U2SURP: variants seen among roughly 807,000 people sequenced by gnomAD.
U2SURP encodes U2 snRNP associated SURP domain containing.
Under a neutral mutation model 144.9 loss-of-function variants are expected in U2SURP, and 9 were observed. That is an observed-to-expected ratio of 0.06 (90% CI 0.04 to 0.11). The LOEUF (loss-of-function observed/expected upper bound fraction) is 0.11. Among genes scored for constraint, U2SURP ranks in the 10% least tolerant of loss-of-function variants. The pLI is 1.00. For synonymous variants in U2SURP, 408 were observed against 396.8 expected (o/e 1.03, Z -0.33); for missense variants, 724 against 1,226.7 (o/e 0.59, Z 6.12).
intron 23 of U2SURP, among the ~76,000 whole-genome samples, chr3:143,041,379 C>T (rs891874730): frequency 6.6e-6 from 1 of 151,522 alleles, no homozygotes; most frequent in Non-Finnish European, 1.5e-5. Flanking sequence ...ACTTTTTTTC[C>T]AAGAAGAATA....
At chr3:143,034,354 A>C (rs1414682638) in intron 18 of U2SURP, among the ~76,000 whole-genome samples, 1 of 152,098 alleles carries the variant, frequency 6.6e-6, no homozygotes, top group Non-Finnish European at 1.5e-5. Flanking sequence ...CAGTGAGCCG[A>C]GATGGCACCA....
intron 26 of U2SURP, 141 bp from the exon 27 acceptor site, chr3:143,054,802 C>CT (rs1395321825): frequency 3.6e-6 from 3 of 825,122 alleles, no homozygotes; most frequent in East Asian, 6.2e-5. Context: ...TTACAAAGGA[C>CT]TTTGAGTATT....
intron 23 of U2SURP, among the ~76,000 whole-genome samples, chr3:143,041,832 C>T (rs908825335): frequency 2.0e-5 from 3 of 151,882 alleles, no homozygotes; most frequent in South Asian, 2.1e-4. Context: ...GGCAAAACAG[C>T]GTTTGTTCTG....
chr3:143,044,878 A>T (rs1934339769), intron 24 of U2SURP, among the ~76,000 whole-genome samples: 1 of 152,202 alleles, frequency 6.6e-6, no homozygotes, highest in African/African-American at 2.4e-5. Flanking sequence ...TTTTAACCTT[A>T]TGTAGAGTCA....
At chr3:143,021,611 C>T (rs967351943) in intron 10 of U2SURP, 56 bp downstream of exon 10, 2 of 1,493,096 alleles carry the variant, frequency 1.3e-6, no homozygotes, top group East Asian at 2.3e-5. Context: ...TGGAAGAAAG[C>T]TTTGTTAGTC....
rs190375069 is a variant in U2SURP, at chr3:143,018,891, C to T, written c.571-1078C>T. On this transcript the variant is annotated intron_variant, in intron 6 of 27. Transcript: ENST00000473835. Reference sequence around the variant, plus strand: ...GGTGAGCCAAGATCACAGCATTGCACTCCAGCCTGGGCAACAAGAGCGAAA... The same window carrying T: ...GGTGAGCCAAGATCACAGCATTGCATTCCAGCCTGGGCAACAAGAGCGAAA... 9.7e-3 allele frequency among the ~76,000 whole-genome samples: 1,471 copies of T among 152,260 alleles called. 12 individuals carry two copies. The highest frequency in any genetic ancestry group is 0.015 in the Non-Finnish European group (1,049 of 68,014).
At chr3:143,018,478 T>C (rs1426335606) in intron 6 of U2SURP, among the ~76,000 whole-genome samples, 1 of 152,236 alleles carries the variant, frequency 6.6e-6, no homozygotes, top group Non-Finnish European at 1.5e-5. Flanking sequence ...GTTTCCACTT[T>C]TCTGCTGTTA....
In U2SURP at chr3:143,055,067, T is replaced by A; in HGVS notation, c.2899T>A (p.Ser967Thr). The change falls in exon 27 of 28, where the codon TCC becomes ACC. Residue 967 changes from serine to threonine, a missense_variant. Ser to Thr is a moderately conservative substitution (Grantham distance 58). Transcript: ENST00000473835. Reference sequence around the variant, plus strand: ...AAGATCTCATAAAGAGAGCTCACGGTCCAGGTCATCTCACAAAGATTCTCC... The same window carrying A: ...AAGATCTCATAAAGAGAGCTCACGGACCAGGTCATCTCACAAAGATTCTCC... Reference protein sequence around the residue: ...SERSHKESSRSRSSHKDSPRD... With the variant: ...SERSHKESSRTRSSHKDSPRD... 6.2e-7 allele frequency: 1 copy of A among 1,607,370 alleles called. No individual in the cohort carries two copies. Among genetic ancestry groups the A allele is most frequent in the Non-Finnish European group, 8.5e-7 (1 of 1,177,246 alleles).
chr3:143,004,524 G>A (rs894199870), intron 1 of U2SURP, among the ~76,000 whole-genome samples: 1 of 125,060 alleles, frequency 8.0e-6, no homozygotes, highest in African/African-American at 3.1e-5. Flanking sequence ...GCCAATTTTT[G>A]TATTTTTAGT....
At chr3:143,021,092 G>GAGGCAGAAGGATTGC (rs1936604748) in intron 8 of U2SURP, among the ~76,000 whole-genome samples, 1 of 152,316 alleles carries the variant, frequency 6.6e-6, no homozygotes, top group Non-Finnish European at 1.5e-5. Flanking sequence ...TCAGGAGGCT[G>GAGGCAGAAGGATTGC]AGGCAGAAGG....
At chr3:143,048,425 G>C (rs1217819654) in intron 24 of U2SURP, among the ~76,000 whole-genome samples, 1 of 152,170 alleles carries the variant, frequency 6.6e-6, no homozygotes, top group Non-Finnish European at 1.5e-5. Context: ...GAGTCATCTT[G>C]GTCACGAGAG....
intron 4 of U2SURP, among the ~76,000 whole-genome samples, chr3:143,014,662 G>A (rs997073821): frequency 6.6e-6 from 1 of 152,022 alleles, no homozygotes; most frequent in African/African-American, 2.4e-5. Context: ...TAAGTAAAGT[G>A]TATGTGTGTG....
At chr3:143,010,670 A>G in intron 1 of U2SURP, 145 bp from the exon 2 acceptor site, 1 of 488,216 alleles carries the variant, frequency 2.0e-6, no homozygotes. Flanking sequence ...TCTTTTCATA[A>G]GTCAGAGACT....
intron 6 of U2SURP, among the ~76,000 whole-genome samples, chr3:143,018,139 AT>A (rs1246623650): frequency 6.6e-6 from 1 of 152,132 alleles, no homozygotes; most frequent in Non-Finnish European, 1.5e-5. Flanking sequence ...CACCACTCTA[AT>A]TTCAGAATAT....
rs1241256612 is a variant in U2SURP, at chr3:143,056,954, C to T, written c.*504C>T. 6.5e-6 allele frequency: 1 copy of T among 153,336 alleles called. No individual in the cohort carries two copies. The highest frequency in any genetic ancestry group is 2.4e-5 in the African/African-American group (1 of 41,400). The allele number at this position is 153,336 out of a possible 1,614,324, so 9.5% of individuals were successfully genotyped here. On this transcript the variant is annotated 3_prime_UTR_variant, in exon 28 of 28. Transcript: ENST00000473835. The stretch of plus-strand genomic sequence containing the variant: ...GATGCACTTTATAAGCCCCAGTGTT[C>T]AAGTAGCTTAAGTTTTATATTTACT...
At chr3:143,015,646 G>T (rs1028041257) in intron 4 of U2SURP, among the ~76,000 whole-genome samples, 5 of 152,000 alleles carry the variant, frequency 3.3e-5, no homozygotes, top group African/African-American at 9.7e-5. Flanking sequence ...ACTGATTTGA[G>T]ATGCTCCTTT....
chr3:143,035,759 T>G (rs1342685571), intron 19 of U2SURP, among the ~76,000 whole-genome samples: 1 of 152,186 alleles, frequency 6.6e-6, no homozygotes, highest in Non-Finnish European at 1.5e-5. Flanking sequence ...TTACTGTTTA[T>G]TTTTCATTAT....
chr3:143,024,519 A>C (rs761448324), intron 13 of U2SURP: 1 of 435,732 alleles, frequency 2.3e-6, no homozygotes, highest in South Asian at 1.7e-5. Flanking sequence ...CACTGGACAT[A>C]CTAGAAACTT....
At position 143,028,578 on chromosome 3, in the gene U2SURP, A is replaced by G. The variant is rs768694934; in HGVS notation, c.1542A>G (p.Gly514=). 6.2e-6 allele frequency: 10 copies of G among 1,602,710 alleles called. No individual in the cohort carries two copies. The South Asian group carries it at 1.1e-4, about 18-fold the overall frequency. ...CACCATTAAATCCGTACTTGCATGG[A>G]ATGTCAGAAGAGCAAGAAACAGAAG... ...RPPPLNPYLH[G]MSEEQETEAF... The change falls in exon 16 of 28, where the codon GGA becomes GGG. Residue 514 remains glycine, a synonymous_variant. Transcript: ENST00000473835.
Sources: gnomAD v4.1 joint callset for allele counts (sites outside exome capture counted in the v4.1 genomes callset) on GRCh38, gnomAD v4.1.1 for gene constraint, MANE v1.5 for transcripts, NCBI Gene and HGNC (gene_info 2026-07-23, HGNC 2026-07-21) for gene names.